The following EPHA2 variants were observed in gnomAD, a reference collection of about 807,000 sequenced individuals.
EPHA2 encodes EPH receptor A2.
A neutral mutation model predicts 104.9 loss-of-function variants in EPHA2; 54 were observed. The ratio of observed to expected loss-of-function variants is 0.51; its 90% confidence interval spans 0.41 to 0.65. The LOEUF (loss-of-function observed/expected upper bound fraction) is 0.65, where lower values mean the gene tolerates loss of function less well. Among genes scored for constraint, EPHA2 ranks in the 30% least tolerant of loss-of-function variants. The pLI is 0.00. For missense variants in EPHA2, 1,117 were observed against 1,369.5 expected (o/e 0.82, Z 2.91); for synonymous variants, 560 against 559.1 (o/e 1.00, Z -0.02).
rs376402047 is a variant in EPHA2, at chr1:16,133,886, G to A, written c.1712C>T (p.Pro571Leu). Residue 571 changes from proline to leucine, a missense_variant, in exon 9 of 17, where the codon CCG becomes CTG. Pro to Leu is a moderately conservative substitution (Grantham distance 98, BLOSUM62 -3). This residue lies in a region of EPHA2 where 113 missense variants were observed against 104.3 expected (regional missense o/e 1.08). Transcript: ENST00000358432. ...RRKNQRARQS[P>L]EDVYFSKSEQ... is the part of the protein sequence containing the mutation. ...TGACTTGGAGAAGTAAACGTCCTCC[G>A]GGGACTGGCGGGCACGCTGGTTCTT... 1.3e-4 allele frequency: 202 copies of A among 1,550,256 alleles called. 1 individual carries two copies. Among genetic ancestry groups the A allele is most frequent in the East Asian group, 3.4e-4 (14 of 40,910 alleles).
At chr1:16,149,136 C>T in intron 2 of EPHA2, 89 bp from the exon 3 acceptor site, 1 of 1,401,368 alleles carries the variant, frequency 7.1e-7, no homozygotes, top group Non-Finnish European at 9.9e-7. Flanking sequence ...AAGATGCTTT[C>T]CAGTTCGTGC....
At chr1:16,142,327 A>G (rs2024837893) in intron 3 of EPHA2, among the ~76,000 whole-genome samples, 2 of 152,206 alleles carry the variant, frequency 1.3e-5, no homozygotes, top group African/African-American at 4.8e-5. Context: ...GCTCCAGGGG[A>G]ATTCAAAACT....
Position 16,133,267 on chromosome 1 carries a change from G to A in EPHA2, c.1966C>T (p.Gln656Ter). The A allele has an allele frequency of 6.2e-7, 1 of 1,613,898 alleles. No homozygotes were observed. Among genetic ancestry groups the A allele is most frequent in the Non-Finnish European group, 8.5e-7 (1 of 1,179,938 alleles). The change falls in exon 11 of 17, where the codon CAG (glutamine) becomes TAG (stop). Residue 656 changes from glutamine (Q) to a stop codon, truncating the protein, a stop_gained. Coordinates refer to ENST00000358432, the MANE Select transcript of EPHA2 (RefSeq NM_004431.5). LOFTEE classifies it high-confidence loss of function. ...GCCTCGCCGAGGAAGTCCACTCGCT[G>A]CTTCTCTGTGTAGCCGGCTTTCAGC... ...KTLKAGYTEK[Q>*]RVDFLGEAGI...
At chr1:16,127,817 A>G (rs1309718589) in intron 16 of EPHA2, among the ~76,000 whole-genome samples, 1 of 152,214 alleles carries the variant, frequency 6.6e-6, no homozygotes, top group Non-Finnish European at 1.5e-5. Context: ...CGCGCACTGC[A>G]GCGCACACAC....
chr1:16,146,599 T>G lies in EPHA2; in HGVS notation c.823+1779A>C, dbSNP rs182142794. 798 of 152,560 alleles carry G rather than the reference T, an allele frequency of 5.2e-3. 3 individuals are homozygous for G. The highest frequency in any genetic ancestry group is 0.013 in the Middle Eastern group (4 of 300). 9.5% of individuals were successfully genotyped at this position (152,560 alleles called of 1,614,324 possible). A position where few individuals can be genotyped will look rare whatever the true frequency, so the allele number is the denominator to read the frequency against. ...GAGGTCACCTAAAGCAGGGGCCGCC[T>G]GGGGAAGGGGGGCTCGCTCAGCAGA... is the stretch of plus-strand genomic sequence containing the variant. On this transcript the variant is annotated intron_variant, in intron 3 of 16. Coordinates refer to ENST00000358432, the MANE Select transcript of EPHA2 (RefSeq NM_004431.5).
Position 16,148,663 on chromosome 1 carries a change from G to T in EPHA2, c.538C>A (p.Leu180Met). Reference sequence around the variant, plus strand: ...CAGGCACCGATATCCTGGAAGGCCAGGTAGAAGCCTTTGCGGGTGAGCGGC... The same window carrying T: ...CAGGCACCGATATCCTGGAAGGCCATGTAGAAGCCTTTGCGGGTGAGCGGC... ...VGPLTRKGFY[L>M]AFQDIGACVA... The change falls in exon 3 of 17, where the codon CTG (leucine) becomes ATG (methionine). Residue 180 changes from leucine to methionine, a missense_variant. By Grantham distance (15) the Leu-to-Met change is conservative. Coordinates refer to ENST00000358432, the MANE Select transcript of EPHA2 (RefSeq NM_004431.5). The surrounding 1 kb of genome is among the most constrained non-coding windows in gnomAD (Gnocchi z 4.9). 1 of 1,610,092 alleles carries T rather than the reference G, an allele frequency of 6.2e-7. No individual in the cohort carries two copies.
In EPHA2 at chr1:16,136,303, A is replaced by AAT. The variant is rs2024681848; in HGVS notation, c.1313-534_1313-533insAT. Among the ~76,000 whole-genome samples, 203 of 140,990 alleles carry AAT rather than the reference A, an allele frequency of 1.4e-3. 1 individual carries two copies. Among genetic ancestry groups the AAT allele is most frequent in the African/African-American group, 4.9e-3 (190 of 38,798 alleles). 92.5% of individuals were successfully genotyped at this position (140,990 alleles called of 152,430 possible). A position where few individuals can be genotyped will look rare whatever the true frequency, so the allele number is the denominator to read the frequency against. On this transcript the variant is annotated intron_variant, in intron 5 of 16. Coordinates refer to ENST00000358432, the MANE Select transcript of EPHA2 (RefSeq NM_004431.5). The stretch of plus-strand genomic sequence containing the variant: ...AGGTGCCCCATATTTACGAGTGCAT[A>AAT]AATAATAATAATAATAATAATAATA...
Position 16,135,485 on chromosome 1 carries a change from GC to G in EPHA2, c.1428+169del. The G allele has an allele frequency of 3.9e-6, 3 of 760,656 alleles. No homozygotes were observed. The highest frequency in any genetic ancestry group is 4.0e-5 in the Admixed American group (2 of 49,644). The allele number at this position is 760,656 out of a possible 1,614,324, so 47.1% of individuals were successfully genotyped here. On this transcript the variant is annotated intron_variant, in intron 6 of 16. Coordinates refer to ENST00000358432, the MANE Select transcript of EPHA2 (RefSeq NM_004431.5). The surrounding 1 kb of genome is among the most constrained non-coding windows in gnomAD (Gnocchi z 4.3). The stretch of plus-strand genomic sequence containing the variant: ...CATGTCTTCTCTCGTACAAATCTCT[GC>G]TGTGCTGCCTTGGGAGATGTAACCC...
In EPHA2 at chr1:16,154,661, C is replaced by T. The variant is rs572043080; in HGVS notation, c.85+1187G>A. Among the ~76,000 whole-genome samples the T allele has an allele frequency of 2.9e-5, 4 of 140,006 alleles. No individual in the cohort carries two copies. In the East Asian group the frequency reaches 6.5e-4, roughly 23 times the overall value. The allele number at this position is 140,006 out of a possible 152,430, so 91.8% of individuals were successfully genotyped here. A position where few individuals can be genotyped will look rare whatever the true frequency, so the allele number is the denominator to read the frequency against. On this transcript the variant is annotated intron_variant, in intron 1 of 16. Coordinates refer to ENST00000358432, the MANE Select transcript of EPHA2 (RefSeq NM_004431.5). ...TCCCAGCTACTAGGGAGGCTTGAGACAGGAGAATAGCTTGAACCCGGGAGG... is the reference window on the plus strand; with the variant it reads ...TCCCAGCTACTAGGGAGGCTTGAGATAGGAGAATAGCTTGAACCCGGGAGG...
intron 1 of EPHA2, among the ~76,000 whole-genome samples, chr1:16,151,591 C>A (rs1372835310): frequency 6.6e-6 from 1 of 152,102 alleles, no homozygotes; most frequent in Non-Finnish European, 1.5e-5. Flanking sequence ...ATCTGGAAAC[C>A]GATCTTCTCA....
rs2024457258 is a variant in EPHA2 at position 16,125,921 on chromosome 1, A to C, written c.2826-601T>G. 6.6e-6 allele frequency among the ~76,000 whole-genome samples: 1 copy of C among 152,132 alleles called. No individual in the cohort carries two copies. The highest frequency in any genetic ancestry group is 2.4e-5 in the African/African-American group (1 of 41,420). ...TCCTTCCAAGTTCCCACTGCTGATC[A>C]TGAAGGAAGGACTTGGGAAATACTT... On this transcript the variant is annotated intron_variant, in intron 16 of 16. Transcript: ENST00000358432. The surrounding 1 kb of genome is among the most constrained non-coding windows in gnomAD (Gnocchi z 4.9).
In EPHA2 at chr1:16,151,814, A is replaced by T. The variant is rs553536624; in HGVS notation, c.86-851T>A. Among the ~76,000 whole-genome samples the T allele has an allele frequency of 6.6e-5, 10 of 152,318 alleles. No homozygotes were observed. The South Asian group carries it at 2.1e-3, about 32-fold the overall frequency. ...CCCTTGTAGGGGACATTCTAGGCCC[A>T]GAGACCAGGTGTCAGGACCATCCTG... On this transcript the variant is annotated intron_variant, in intron 1 of 16. Coordinates refer to ENST00000358432, the MANE Select transcript of EPHA2 (RefSeq NM_004431.5).
chr1:16,126,433 C>T (rs867735449), intron 16 of EPHA2, among the ~76,000 whole-genome samples: 3 of 152,196 alleles, frequency 2.0e-5, no homozygotes, highest in Non-Finnish European at 2.9e-5. Flanking sequence ...CCACAGGCTC[C>T]GGGAGCCCCG....
chr1:16,149,062 TACAG>T lies in EPHA2; in HGVS notation c.154-19_154-16del. On this transcript the variant is annotated splice_polypyrimidine_tract_variant and intron_variant, in intron 2 of 16. Transcript: ENST00000358432. ...ATCAGGTCCCACTGTGGGGGGAAGA[TACAG>T]GTTAGTGTGGGCAGGTGCCTGGGGA... The T allele has an allele frequency of 6.2e-7, 1 of 1,610,622 alleles. No individual in the cohort carries two copies. Among genetic ancestry groups the T allele is most frequent in the Non-Finnish European group, 8.5e-7 (1 of 1,179,974 alleles).
chr1:16,124,798 C>T lies in EPHA2; in HGVS notation c.*417G>A, dbSNP rs1191265374. On this transcript the variant is annotated 3_prime_UTR_variant, in exon 17 of 17. Transcript: ENST00000358432. ...CCCAGTCAAGTTCACAGTCTGCCCT[C>T]TTAGTGTGAGGAAATGGGGCTTGAG... The T allele has an allele frequency of 4.6e-6, 1 of 218,094 alleles. No individual in the cohort carries two copies. Among genetic ancestry groups the T allele is most frequent in the Non-Finnish European group, 9.5e-6 (1 of 105,120 alleles). The allele number at this position is 218,094 out of a possible 1,614,324, so 13.5% of individuals were successfully genotyped here. A position where few individuals can be genotyped will look rare whatever the true frequency, so the allele number is the denominator to read the frequency against.
chr1:16,148,949 G>T lies in EPHA2; in HGVS notation c.252C>A (p.Asn84Lys). ...SGDQDNWLRT[N>K]WVYRGEAERI... is the part of the protein sequence containing the mutation. The stretch of plus-strand genomic sequence containing the variant: ...GCTCAGCCTCTCCTCGGTACACCCA[G>T]TTGGTGCGGAGCCAGTTGTCCTGGT... Residue 84 changes from asparagine to lysine, a missense_variant, in exon 3 of 17, where the codon AAC becomes AAA. Around this residue, in one of 3 missense-constraint regions of EPHA2, gnomAD observed 664 missense variants for 784.8 expected, o/e 0.85. Transcript: ENST00000358432. This position sits in a 1 kb window ranked among gnomAD's most constrained non-coding sequence, Gnocchi z 4.9. 6.2e-7 allele frequency: 1 copy of T among 1,614,170 alleles called. No homozygotes were observed. The highest frequency in any genetic ancestry group is 2.2e-5 in the East Asian group (1 of 44,890).
chr1:16,144,112 C>T (rs962374792), intron 3 of EPHA2, among the ~76,000 whole-genome samples: 3 of 152,132 alleles, frequency 2.0e-5, no homozygotes, highest in Non-Finnish European at 2.9e-5. Context: ...TCCTTCCTTC[C>T]GTTCTGGGGA....
chr1:16,151,721 TG>T (rs1158501139), intron 1 of EPHA2, among the ~76,000 whole-genome samples: 3 of 152,090 alleles, frequency 2.0e-5, no homozygotes, highest in African/African-American at 7.2e-5. Flanking sequence ...CCACCACCCC[TG>T]CCCCTCACAT....
intron 5 of EPHA2, among the ~76,000 whole-genome samples, chr1:16,136,303 A>AAATAATAATAATAATAATAATAAT (rs35523202): frequency 4.3e-5 from 6 of 140,984 alleles, no homozygotes; most frequent in African/African-American, 7.7e-5. Context: ...ACGAGTGCAT[A>AAATAATAATAATAATAATAATAAT]AATAATAATA....
Sources: gnomAD v4.1 joint callset for allele counts (sites outside exome capture counted in the v4.1 genomes callset) on GRCh38, gnomAD v4.1.1 for gene constraint, gnomAD v4.1.1 regional missense constraint, Gnocchi (gnomAD v3.1) non-coding constraint, MANE v1.5 for transcripts, NCBI Gene and HGNC (gene_info 2026-07-23, HGNC 2026-07-21) for gene names.